ANKLE2: variants seen among roughly 807,000 people sequenced by gnomAD.
ANKLE2 encodes the protein ankyrin repeat and LEM domain-containing protein 2.
Under a neutral mutation model 84.2 loss-of-function variants are expected in ANKLE2, and 55 were observed. The ratio of observed to expected loss-of-function variants is 0.65; its 90% confidence interval spans 0.53 to 0.82. The LOEUF (loss-of-function observed/expected upper bound fraction) is 0.82, where lower values mean the gene tolerates loss of function less well. Ranked by LOEUF, ANKLE2 falls within the 40% of genes least tolerant of loss-of-function variation. The pLI is 0.00. For missense variants in ANKLE2, 1,238 were observed against 1,201.9 expected (o/e 1.03, Z -0.44); for synonymous variants, 551 against 486.1 (o/e 1.13, Z -1.76).
intron 12 of ANKLE2, 59 bp downstream of exon 12, chr12:132,727,973 C>T: frequency 6.4e-7 from 1 of 1,558,840 alleles, no homozygotes; most frequent in Non-Finnish European, 8.6e-7. Flanking sequence ...TGGAACTGGA[C>T]CCTGCAGAAG....
chr12:132,745,023 T>G (rs2136149984), intron 5 of ANKLE2: 1 of 152,392 alleles, frequency 6.6e-6, no homozygotes, highest in South Asian at 2.1e-4. Context: ...CCATTCCTAT[T>G]AAAACAGCCA....
chr12:132,759,023 T>A lies in ANKLE2; in HGVS notation c.181+2595A>T, dbSNP rs868696706. 3.9e-3 allele frequency: 271 copies of A among 69,534 alleles called. 2 individuals carry two copies. Among genetic ancestry groups the A allele is most frequent in the African/African-American group, 0.012 (157 of 12,572 alleles). The allele number at this position is 69,534 out of a possible 1,614,324, so 4.3% of individuals were successfully genotyped here. A position where few individuals can be genotyped will look rare whatever the true frequency, so the allele number is the denominator to read the frequency against. ...ACCCCGGGGCACCCACGTGGCAGAG[T>A]GGATCGCTGCGGAGTGGCACCCCGG... On this transcript the variant is annotated intron_variant, in intron 1 of 12. Coordinates refer to ENST00000357997, the MANE Select transcript of ANKLE2 (RefSeq NM_015114.3).
At chr12:132,730,818 C>G (rs10747080) in intron 10 of ANKLE2, 95,130 of 152,312 alleles carry the variant, frequency 0.62, 30,129 homozygotes, top group East Asian at 0.8. Context: ...CTATTTCAGA[C>G]GAGGAGGGAA....
chr12:132,728,299 G>A (rs533697454), intron 11 of ANKLE2, 136 bp from the exon 12 acceptor site: 52 of 1,100,630 alleles, frequency 4.7e-5, no homozygotes, highest in South Asian at 3.9e-4. Context: ...GCGTGATCTC[G>A]GCTCATCGCA....
chr12:132,733,156 T>A (rs1249074730), intron 10 of ANKLE2, among the ~76,000 whole-genome samples: 1 of 127,438 alleles, frequency 7.8e-6, no homozygotes, highest in African/African-American at 3.0e-5. Context: ...TGGTGTCTGA[T>A]ATGCACCGTG....
At chr12:132,741,336 G>A in intron 7 of ANKLE2, 83 bp downstream of exon 7, 1 of 1,409,572 alleles carries the variant, frequency 7.1e-7, no homozygotes, top group Non-Finnish European at 9.9e-7. Flanking sequence ...GCTCAGGAAA[G>A]CAAAGCTCTG....
rs751947666 is a variant in ANKLE2, at chr12:132,754,703, T to C, written c.612A>G (p.Pro204=). The change falls in exon 2 of 13, where the codon CCA becomes CCG. Residue 204 remains proline, a synonymous_variant. Transcript: ENST00000357997. ...TTCTCGCTGGGACGTCCTCATACACTGGACACACCCCATAGTACAGGGGCG... is the reference window on the plus strand; with the variant it reads ...TTCTCGCTGGGACGTCCTCATACACCGGACACACCCCATAGTACAGGGGCG... ...KEPPLYYGVC[P]VYEDVPARNE... 3 of 1,612,446 alleles carry C rather than the reference T, an allele frequency of 1.9e-6. No individual in the cohort carries two copies. The highest frequency in any genetic ancestry group is 3.3e-5 in the Admixed American group (2 of 59,754).
In ANKLE2 at chr12:132,734,414, G is replaced by A. The variant is rs201465962; in HGVS notation, c.1862C>T (p.Ala621Val). ...KAQQETGERE[A>V]SCRDKATTSG... ...CGTGGTGGCTTTATCTCGGCAGGAG[G>A]CTTCCCGTTCTCCTGTTTCTTGTTG... The change falls in exon 10 of 13, where the codon GCC (alanine) becomes GTC (valine). Residue 621 changes from alanine to valine, a missense_variant. Physicochemically the swap from Ala to Val is moderately conservative, Grantham distance 64. This residue lies in a region of ANKLE2 where 802 missense variants were observed against 774.5 expected (regional missense o/e 1.04). Transcript: ENST00000357997. The A allele has an allele frequency of 7.4e-6, 12 of 1,613,972 alleles. No individual in the cohort carries two copies. The African/African-American group carries it at 1.3e-4, about 18-fold the overall frequency.
intron 1 of ANKLE2, chr12:132,761,249 C>T: frequency 5.4e-6 from 1 of 185,954 alleles, no homozygotes; most frequent in Non-Finnish European, 1.1e-5. Flanking sequence ...CATCCGGGAC[C>T]CAGGGGTTTC....
chr12:132,731,168 G>T (rs1425749906), intron 10 of ANKLE2: 1 of 152,212 alleles, frequency 6.6e-6, no homozygotes, highest in Non-Finnish European at 1.5e-5. Flanking sequence ...TGTGGCTCCT[G>T]CTACTTAGGA....
intron 8 of ANKLE2, 146 bp from the exon 9 acceptor site, chr12:132,735,658 G>A (rs922583017): frequency 2.6e-5 from 17 of 644,812 alleles, no homozygotes; most frequent in Middle Eastern, 4.3e-4. Flanking sequence ...CCTGGGCCAC[G>A]TGCCCACCTG....
intron 10 of ANKLE2, chr12:132,734,115 G>T (rs1161001351): frequency 1.8e-6 from 1 of 556,034 alleles, no homozygotes; most frequent in South Asian, 1.6e-5. Flanking sequence ...CGTGGTGGCG[G>T]GCGCCTGTAG....
intron 10 of ANKLE2, among the ~76,000 whole-genome samples, chr12:132,733,430 G>T (rs545091191): frequency 6.8e-6 from 1 of 146,184 alleles, no homozygotes; most frequent in Admixed American, 6.8e-5. Context: ...GATATGCACC[G>T]TGTGAAGCTC....
At chr12:132,745,546 A>C (rs2044218864) in intron 5 of ANKLE2, 1 of 153,306 alleles carries the variant, frequency 6.5e-6, no homozygotes, top group Admixed American at 6.5e-5. Flanking sequence ...ACCTCAACCA[A>C]GACAGAGACC....
chr12:132,755,481 G>A (rs1307124151), intron 1 of ANKLE2: 10 of 168,744 alleles, frequency 5.9e-5, no homozygotes, highest in East Asian at 1.7e-4. Context: ...GGAGGCGGAG[G>A]CTGCAATTAG....
chr12:132,736,958 C>T lies in ANKLE2; in HGVS notation c.1528G>A (p.Gly510Arg). 1 of 1,613,952 alleles carries T rather than the reference C, an allele frequency of 6.2e-7. No individual in the cohort carries two copies. The highest frequency in any genetic ancestry group is 8.5e-7 in the Non-Finnish European group (1 of 1,179,892). ...AGTACCGGGTCTCTGGGGCTGCCTCCATAGCGGCTGACGTGAGAGGCCTCA... is the reference window on the plus strand; with the variant it reads ...AGTACCGGGTCTCTGGGGCTGCCTCTATAGCGGCTGACGTGAGAGGCCTCA... Reference protein sequence around the residue: ...TAEASHVSRYGGSPRDPVLTL... With the variant: ...TAEASHVSRYRGSPRDPVLTL... The change falls in exon 8 of 13, where the codon GGA becomes AGA. Residue 510 changes from glycine (G) to arginine (R), a missense_variant. Coordinates refer to ENST00000357997, the MANE Select transcript of ANKLE2 (RefSeq NM_015114.3).
intron 2 of ANKLE2, among the ~76,000 whole-genome samples, chr12:132,752,155 AC>A (rs143209472): frequency 0.049 from 7,489 of 152,086 alleles, 291 homozygotes; most frequent in Admixed American, 0.12. Context: ...AGCCTGACCA[AC>A]GTGGAGAAAC....
intron 3 of ANKLE2, 123 bp downstream of exon 3, chr12:132,750,520 T>G: frequency 5.0e-6 from 5 of 996,646 alleles, no homozygotes; most frequent in South Asian, 1.6e-5. Context: ...CCTGGTCCAC[T>G]GAGACCCCAT....
At position 132,725,568 on chromosome 12, in the gene ANKLE2, G is replaced by A. The variant is rs887015764; in HGVS notation, c.*1674C>T. ...ATAACCCCCCGGGACACACGAGAAT[G>A]CCTCCGTTGGGACTGGAATCGCTGC... On this transcript the variant is annotated 3_prime_UTR_variant, in exon 13 of 13. Transcript: ENST00000357997. 2.0e-5 allele frequency: 3 copies of A among 152,204 alleles called. No homozygotes were observed. Among genetic ancestry groups the A allele is most frequent in the Non-Finnish European group, 4.4e-5 (3 of 68,034 alleles). The allele number at this position is 152,204 out of a possible 1,614,324, so 9.4% of individuals were successfully genotyped here.
Sources: allele counts gnomAD v4.1 joint callset (sites outside exome capture counted in the v4.1 genomes callset), GRCh38; gene constraint gnomAD v4.1.1; regional missense constraint gnomAD v4.1.1; transcripts MANE v1.5; gene names NCBI Gene and HGNC (gene_info 2026-07-23, HGNC 2026-07-21).